DLC1: variants seen among roughly 807,000 people sequenced by gnomAD.
DLC1 encodes rho GTPase-activating protein 7.
Under a neutral mutation model 140.3 loss-of-function variants are expected in DLC1, and 54 were observed. The observed-to-expected ratio is 0.38, with a 90% CI of 0.31 to 0.48. The LOEUF (loss-of-function observed/expected upper bound fraction) is 0.48, where lower values mean the gene tolerates loss of function less well. Ranked by LOEUF, DLC1 falls within the 20% of genes least tolerant of loss-of-function variation. The pLI is 0.96. For synonymous variants in DLC1, 986 were observed against 728.1 expected, an observed-to-expected ratio of 1.35 and a Z score of -5.70; for missense variants, 2,536 against 1,907.0, an observed-to-expected ratio of 1.33 and a Z score of -6.14.
intron 5 of DLC1, among the ~76,000 whole-genome samples, chr8:13,221,712 A>G (rs1016016922): frequency 7.5e-6 from 1 of 133,730 alleles, no homozygotes. Flanking sequence ...GTGTGTGTAT[A>G]TGTGTGTGTG....
intron 5 of DLC1, among the ~76,000 whole-genome samples, chr8:13,271,663 T>C (rs979984181): frequency 2.6e-5 from 4 of 152,170 alleles, no homozygotes; most frequent in African/African-American, 9.7e-5. Flanking sequence ...TTTTCTTCTT[T>C]CTCTTAAATA....
intron 5 of DLC1, among the ~76,000 whole-genome samples, chr8:13,155,750 AT>A (rs1824203577): frequency 6.6e-6 from 1 of 152,204 alleles, no homozygotes; most frequent in Admixed American, 6.5e-5. Context: ...TGAAAATGCA[AT>A]AAAGATCACA....
At chr8:13,582,912 ATATATATG>A (rs1270346977) in intron 1 of DLC1, among the ~76,000 whole-genome samples, 1 of 131,964 alleles carries the variant, frequency 7.6e-6, no homozygotes, top group African/African-American at 2.9e-5. Flanking sequence ...ATATATATAT[ATATATATG>A]TGGTGTAATA....
intron 5 of DLC1, among the ~76,000 whole-genome samples, chr8:13,136,926 T>C (rs531587284): frequency 6.6e-6 from 1 of 152,364 alleles, no homozygotes; most frequent in East Asian, 1.9e-4. Context: ...AAGGTTGTTA[T>C]AGTGCATACC....
chr8:13,088,729 TGCCAAG>T (rs1388172423), intron 15 of DLC1, 25 bp from the exon 16 acceptor site: 1 of 1,611,586 alleles, frequency 6.2e-7, no homozygotes, highest in African/African-American at 1.3e-5. Flanking sequence ...TATTTTTCAG[TGCCAAG>T]GCAATCCATA....
chr8:13,487,215 A>G (rs767784246), intron 2 of DLC1, among the ~76,000 whole-genome samples: 4 of 152,214 alleles, frequency 2.6e-5, no homozygotes, highest in Non-Finnish European at 5.9e-5. Context: ...AAAATATTGC[A>G]TTTCCAGTTG....
chr8:13,294,169 G>T (rs979382712), intron 5 of DLC1, among the ~76,000 whole-genome samples: 1 of 152,072 alleles, frequency 6.6e-6, no homozygotes, highest in African/African-American at 2.4e-5. Flanking sequence ...CCATAGTTTG[G>T]CTTCATCAGA....
intron 4 of DLC1, chr8:13,341,211 GA>G (rs1167251755): frequency 2.0e-5 from 3 of 152,074 alleles, no homozygotes; most frequent in African/African-American, 4.8e-5. Flanking sequence ...AAAAAGAAGA[GA>G]AAAGAAAGAC....
Position 13,414,898 on chromosome 8 carries a change from C to A in DLC1, c.1024-13279G>T, listed in dbSNP as rs1405314087. On this transcript the variant is annotated intron_variant, in intron 2 of 17. Coordinates refer to ENST00000276297, the MANE Select transcript of DLC1 (RefSeq NM_182643.3). ...CAATCTCGGCCCACTGCAACCTCCA[C>A]CTCCCAGGTTCAAGCGATATTCCTG... is the stretch of plus-strand genomic sequence containing the variant. Among the ~76,000 whole-genome samples the A allele has an allele frequency of 2.0e-4, 31 of 152,092 alleles. 1 individual carries two copies. Among genetic ancestry groups the A allele is most frequent in the Admixed American group, 2.0e-3 (31 of 15,276 alleles).
chr8:13,182,305 G>C (rs1826088788), intron 5 of DLC1, among the ~76,000 whole-genome samples: 1 of 151,886 alleles, frequency 6.6e-6, no homozygotes, highest in African/African-American at 2.4e-5. Context: ...CTTTTGCTGT[G>C]CAGAAGCTCT....
At chr8:13,168,130 C>A (rs751662511) in intron 5 of DLC1, among the ~76,000 whole-genome samples, 1 of 152,176 alleles carries the variant, frequency 6.6e-6, no homozygotes, top group Non-Finnish European at 1.5e-5. Flanking sequence ...ACTTGTTCTC[C>A]ATTTCTTATC....
intron 14 of DLC1, among the ~76,000 whole-genome samples, chr8:13,091,083 C>T (rs1013328498): frequency 2.6e-5 from 4 of 152,138 alleles, no homozygotes; most frequent in African/African-American, 9.7e-5. Flanking sequence ...GTTAGAATTA[C>T]AGGCGTGAGC....
Position 13,373,315 on chromosome 8 carries a change from A to G in DLC1, c.1314+20238T>C, listed in dbSNP as rs2117125846. Among the ~76,000 whole-genome samples the G allele has an allele frequency of 1.3e-5, 2 of 152,318 alleles. 1 individual carries two copies. The highest frequency in any genetic ancestry group is 4.1e-4 in the South Asian group (2 of 4,830). On this transcript the variant is annotated intron_variant, in intron 4 of 17. Coordinates refer to ENST00000276297, the MANE Select transcript of DLC1 (RefSeq NM_182643.3). ...GTGCTGTGGGCTTTTCCCTGATGAT[A>G]AAAGCCTTCTTCATCTTTTGGTTTT...
intron 2 of DLC1, among the ~76,000 whole-genome samples, chr8:13,489,167 G>A (rs1190210457): frequency 4.6e-5 from 7 of 151,732 alleles, no homozygotes; most frequent in Admixed American, 1.3e-4. Flanking sequence ...GACCGGTGTC[G>A]AACTCCTGAC....
chr8:13,483,725 C>T (rs981025080), intron 2 of DLC1, among the ~76,000 whole-genome samples: 2 of 152,032 alleles, frequency 1.3e-5, no homozygotes, highest in Non-Finnish European at 2.9e-5. Context: ...TCCTTGAAAA[C>T]CATGTCTTCC....
rs576255653 is a variant in DLC1 at position 13,118,696 on chromosome 8, T to C, written c.1349-3039A>G. 3.9e-5 allele frequency among the ~76,000 whole-genome samples: 6 copies of C among 152,326 alleles called. No individual in the cohort carries two copies. The East Asian group carries it at 1.2e-3, about 29-fold the overall frequency. On this transcript the variant is annotated intron_variant, in intron 5 of 17. Transcript: ENST00000276297. ...CAATGTACGTACTGATTTTTAAAAATCAATTATTTTTATTTTTTTAATGTG... is the reference window on the plus strand; with the variant it reads ...CAATGTACGTACTGATTTTTAAAAACCAATTATTTTTATTTTTTTAATGTG...
chr8:13,265,358 A>G (rs1442028946), intron 5 of DLC1, among the ~76,000 whole-genome samples: 1 of 152,226 alleles, frequency 6.6e-6, no homozygotes, highest in Non-Finnish European at 1.5e-5. Flanking sequence ...ATAGTAGGCA[A>G]TCACAAAAGA....
intron 5 of DLC1, among the ~76,000 whole-genome samples, chr8:13,225,327 G>A (rs1240742811): frequency 6.6e-6 from 1 of 152,182 alleles, no homozygotes; most frequent in African/African-American, 2.4e-5. Context: ...TACATTTGAA[G>A]ATTTCCCAGT....
chr8:13,600,194 T>G (rs1039978720), intron 1 of DLC1, among the ~76,000 whole-genome samples: 1 of 151,918 alleles, frequency 6.6e-6, no homozygotes, highest in African/African-American at 2.4e-5. Context: ...GAATCTTGAT[T>G]TAAGCTAGTG....
Sources: gnomAD v4.1 joint callset for allele counts (sites outside exome capture counted in the v4.1 genomes callset) on GRCh38, gnomAD v4.1.1 for gene constraint, MANE v1.5 for transcripts, NCBI Gene and HGNC (gene_info 2026-07-23, HGNC 2026-07-21) for gene names.